Variants in DNHD1 observed in about 807,000 individuals in gnomAD.
DNHD1 encodes the protein dynein heavy chain domain 1.
Under a neutral mutation model 458.1 loss-of-function variants are expected in DNHD1, and 383 were observed. That is an observed-to-expected ratio of 0.84 (90% CI 0.77 to 0.91). The LOEUF (loss-of-function observed/expected upper bound fraction) is 0.91, where lower values mean the gene tolerates loss of function less well. Among genes scored for constraint, DNHD1 ranks in the 40% least tolerant of loss-of-function variants. The pLI is 0.00. For synonymous variants in DNHD1, 2,203 were observed against 2,376.9 expected (o/e 0.93, Z 2.13); for missense variants, 5,336 against 5,866.1 (o/e 0.91, Z 2.95).
rs1375152824 is a variant in DNHD1, at chr11:6,564,385, C to T, written c.10337C>T (p.Ala3446Val). The change falls in exon 32 of 43, where the codon GCT (alanine) becomes GTT (valine). Residue 3446 changes from alanine (A) to valine (V), a missense_variant. Around this residue, in one of 4 missense-constraint regions of DNHD1, gnomAD observed 3,932 missense variants for 4,365.6 expected, o/e 0.90. Coordinates refer to ENST00000254579, the MANE Select transcript of DNHD1 (RefSeq NM_144666.3). ...TVFGDTLLCS[A>V]AIIYLGPFPP... The stretch of plus-strand genomic sequence containing the variant: ...TTTGGAGATACCCTCCTATGTTCAG[C>T]TGCCATCATCTACCTGGGTCCCTTC... 5 of 1,551,154 alleles carry T rather than the reference C, an allele frequency of 3.2e-6. No individual in the cohort carries two copies. Among genetic ancestry groups the T allele is most frequent in the Non-Finnish European group, 4.4e-6 (5 of 1,146,538 alleles).
chr11:6,544,574 G>A lies in DNHD1; in HGVS notation c.3755G>A (p.Gly1252Asp). The A allele has an allele frequency of 6.4e-7, 1 of 1,551,104 alleles. No individual in the cohort carries two copies. ...LEWVAIMHGL[G>D]ALLEVWLTFQ... Reference sequence around the variant, plus strand: ...AGCATTCCTCTGGCTGCTTACACAGGTGCCCTGCTGGAGGTGTGGCTGACT... The same window carrying A: ...AGCATTCCTCTGGCTGCTTACACAGATGCCCTGCTGGAGGTGTGGCTGACT... Residue 1252 changes from glycine (G) to aspartate (D), a missense_variant and splice_region_variant, in exon 20 of 43, where the codon GGT (glycine) becomes GAT (aspartate). Around this residue, in one of 4 missense-constraint regions of DNHD1, gnomAD observed 3,932 missense variants for 4,365.6 expected, o/e 0.90. Coordinates refer to ENST00000254579, the MANE Select transcript of DNHD1 (RefSeq NM_144666.3).
intron 10 of DNHD1, among the ~76,000 whole-genome samples, chr11:6,522,566 T>A (rs1407132092): frequency 6.6e-6 from 1 of 152,156 alleles, no homozygotes; most frequent in Non-Finnish European, 1.5e-5. Flanking sequence ...ACTCCTGTGA[T>A]AGGAGTTTAC....
In DNHD1 at chr11:6,544,964, T is replaced by A. The variant is rs1397857186; in HGVS notation, c.4025T>A (p.Ile1342Asn). 1 of 1,551,694 alleles carries A rather than the reference T, an allele frequency of 6.4e-7. No homozygotes were observed. The highest frequency in any genetic ancestry group is 1.4e-5 in the African/African-American group (1 of 73,148). Residue 1342 changes from isoleucine to asparagine, a missense_variant, in exon 21 of 43, where the codon ATC becomes AAC. Ile to Asn is a moderately radical substitution (Grantham distance 149). This residue lies in a region of DNHD1 where 3,932 missense variants were observed against 4,365.6 expected (regional missense o/e 0.90). Coordinates refer to ENST00000254579, the MANE Select transcript of DNHD1 (RefSeq NM_144666.3). The part of the protein sequence containing the change: ...QAGSVELEGI[I>N]MSLESVLYGV... ...GGATCGGTGGAGCTGGAGGGCATCA[T>A]CATGAGTCTGGAGAGCGTGCTCTAT...
At chr11:6,529,239 A>G (rs921838383) in intron 12 of DNHD1, 118 bp downstream of exon 12, 6 of 1,166,986 alleles carry the variant, frequency 5.1e-6, no homozygotes, top group Non-Finnish European at 3.6e-6. Context: ...TATTGGACCT[A>G]TGAAGCCTTC....
rs1853857072 is a variant in DNHD1 at position 6,571,734 on chromosome 11, G to A, written c.14010G>A (p.Leu4670=). 2 of 1,612,846 alleles carry A rather than the reference G, an allele frequency of 1.2e-6. No homozygotes were observed. The highest frequency in any genetic ancestry group is 1.7e-6 in the Non-Finnish European group (2 of 1,179,334). ...AGTGGGACCCAATAGCTGGAGCCTT[G>A]CAGGACAGTCCTTCCAGCCAACCCA... ...HAEWDPIAGA[L]QDSPSSQPSP... is the part of the protein sequence containing the mutation. Residue 4670 remains leucine, a synonymous_variant, in exon 43 of 43, where the codon TTG becomes TTA. Coordinates refer to ENST00000254579, the MANE Select transcript of DNHD1 (RefSeq NM_144666.3). This position sits in a 1 kb window ranked among gnomAD's most constrained non-coding sequence, Gnocchi z 5.0.
rs1184764747 is a variant in DNHD1, at chr11:6,571,355, C to T, written c.13843C>T (p.Arg4615Ter). 5.0e-6 allele frequency: 8 copies of T among 1,612,166 alleles called. No homozygotes were observed. Among genetic ancestry groups the T allele is most frequent in the African/African-American group, 1.3e-5 (1 of 74,886 alleles). The part of the protein sequence containing the change: ...NVPSSNFPGS[R>*]GSVSSQLQYK... ...GCCCAGCTCGAATTTCCCTGGTAGC[C>T]GAGGCTCGGTCTCCAGTCAGCTCCA... The change falls in exon 42 of 43, where the codon CGA (arginine) becomes TGA (stop). Residue 4615 changes from arginine (R) to a stop codon, truncating the protein, a stop_gained. Coordinates refer to ENST00000254579, the MANE Select transcript of DNHD1 (RefSeq NM_144666.3). LOFTEE classifies it high-confidence loss of function. The surrounding 1 kb of genome is among the most constrained non-coding windows in gnomAD (Gnocchi z 5.0).
In DNHD1 at chr11:6,557,376, A is replaced by G; in HGVS notation, c.8081A>G (p.Gln2694Arg). 5.2e-6 allele frequency: 8 copies of G among 1,551,370 alleles called. No homozygotes were observed. Among genetic ancestry groups the G allele is most frequent in the Non-Finnish European group, 7.0e-6 (8 of 1,147,102 alleles). ...CCCCAGCACCTGGGCAAGGACCATC[A>G]GGAGAGTGAGGAGGAGGAGGAGGAG... ...PGPQHLGKDH[Q>R]ESEEEEEEER... Residue 2694 changes from glutamine (Q) to arginine (R), a missense_variant, in exon 25 of 43, where the codon CAG becomes CGG. Physicochemically the swap from Gln to Arg is conservative, Grantham distance 43. This residue lies in a region of DNHD1 where 3,932 missense variants were observed against 4,365.6 expected (regional missense o/e 0.90). Transcript: ENST00000254579.
Position 6,509,222 on chromosome 11 carries a change from T to C in DNHD1, c.1185T>C (p.His395=). 2 of 1,614,238 alleles carry C rather than the reference T, an allele frequency of 1.2e-6. No individual in the cohort carries two copies. Among genetic ancestry groups the C allele is most frequent in the Non-Finnish European group, 1.7e-6 (2 of 1,180,050 alleles). Reference sequence around the variant, plus strand: ...GACTCCAGAAATTCCTAGAGAATCATCTGCTCTTGGCTGTGCCCCACTTTG... The same window carrying C: ...GACTCCAGAAATTCCTAGAGAATCACCTGCTCTTGGCTGTGCCCCACTTTG... ...LHRLQKFLEN[H]LLLAVPHFGA... is the part of the protein sequence containing the mutation. The change falls in exon 6 of 43, where the codon CAT becomes CAC. Residue 395 remains histidine (H), a synonymous_variant. Coordinates refer to ENST00000254579, the MANE Select transcript of DNHD1 (RefSeq NM_144666.3).
intron 4 of DNHD1, 103 bp downstream of exon 4, chr11:6,503,029 T>C (rs964923916): frequency 1.2e-5 from 15 of 1,267,998 alleles, no homozygotes; most frequent in Admixed American, 2.7e-5. Flanking sequence ...CTCCCTGTCC[T>C]TTCTCCACAT....
chr11:6,566,622 T>A lies in DNHD1; in HGVS notation c.11242T>A (p.Leu3748Met). The change falls in exon 35 of 43, where the codon TTG (leucine) becomes ATG (methionine). Residue 3748 changes from leucine (L) to methionine (M), a missense_variant. Leu to Met is a conservative substitution (Grantham distance 15). Coordinates refer to ENST00000254579, the MANE Select transcript of DNHD1 (RefSeq NM_144666.3). Reference protein sequence around the residue: ...GCELLKGLNVLDLGLNMEILE... With the variant: ...GCELLKGLNVMDLGLNMEILE... ...TGAACTGCTAAAGGGGCTGAATGTG[T>A]TGGATCTGGGCCTGAACATGGAAAT... 6.2e-7 allele frequency: 1 copy of A among 1,613,842 alleles called. No homozygotes were observed. The highest frequency in any genetic ancestry group is 8.5e-7 in the Non-Finnish European group (1 of 1,179,826).
chr11:6,509,507 A>G (rs1208347931), intron 6 of DNHD1, among the ~76,000 whole-genome samples: 1 of 152,170 alleles, frequency 6.6e-6, no homozygotes, highest in Non-Finnish European at 1.5e-5. Flanking sequence ...TTCTTTGAAC[A>G]TATATTCTGA....
At chr11:6,527,417 G>A (rs966974752) in intron 10 of DNHD1, among the ~76,000 whole-genome samples, 3 of 152,200 alleles carry the variant, frequency 2.0e-5, no homozygotes, top group African/African-American at 7.2e-5. Flanking sequence ...TAAATGGGAT[G>A]TGTTGTATGT....
chr11:6,498,738 C>A lies in DNHD1; in HGVS notation c.523C>A (p.Gln175Lys). 6.2e-7 allele frequency: 1 copy of A among 1,614,168 alleles called. No homozygotes were observed. The highest frequency in any genetic ancestry group is 8.5e-7 in the Non-Finnish European group (1 of 1,180,012). The part of the protein sequence containing the change: ...CPFVQAQWSR[Q>K]QVKEELATWL... ...TTTTGTGCAGGCCCAGTGGAGCAGG[C>A]AGCAAGTAAAGGAGGAGCTGGCCAC... is the stretch of plus-strand genomic sequence containing the variant. The change falls in exon 3 of 43, where the codon CAG becomes AAG. Residue 175 changes from glutamine to lysine, a missense_variant. Transcript: ENST00000254579.
rs1037434995 is a variant in DNHD1, at chr11:6,513,809, C to T, written c.1392+2380C>T. Among the ~76,000 whole-genome samples the T allele has an allele frequency of 9.9e-5, 15 of 151,786 alleles. 2 individuals are homozygous for T. The highest frequency in any genetic ancestry group is 8.5e-4 in the Admixed American group (13 of 15,232). On this transcript the variant is annotated intron_variant, in intron 7 of 42. Coordinates refer to ENST00000254579, the MANE Select transcript of DNHD1 (RefSeq NM_144666.3). Reference sequence around the variant, plus strand: ...TTTCCAGAGTGGTTGTACCAGTTTACGTTTCCATCAGTGATGCTGATTTCC... The same window carrying T: ...TTTCCAGAGTGGTTGTACCAGTTTATGTTTCCATCAGTGATGCTGATTTCC...
intron 33 of DNHD1, 92 bp downstream of exon 33, chr11:6,566,083 TC>T (rs1432457757): frequency 4.7e-6 from 7 of 1,492,406 alleles, no homozygotes; most frequent in Non-Finnish European, 6.3e-6. Flanking sequence ...TAACTTCAGT[TC>T]CCATCCTTCA....
chr11:6,566,464 G>C (rs1853701621), intron 34 of DNHD1, 71 bp downstream of exon 34: 1 of 1,545,036 alleles, frequency 6.5e-7, no homozygotes, highest in African/African-American at 1.4e-5. Flanking sequence ...AGCCCTAAGA[G>C]GGCTTCACTC....
intron 10 of DNHD1, chr11:6,520,538 A>G: frequency 7.5e-7 from 1 of 1,339,842 alleles, no homozygotes; most frequent in Non-Finnish European, 9.6e-7. Context: ...GAGTGTGAGT[A>G]CATTGTCCTT....
In DNHD1 at chr11:6,568,253, T is replaced by A; in HGVS notation, c.12538+11T>A. On this transcript the variant is annotated intron_variant, in intron 37 of 42. Transcript: ENST00000254579. ...TAGGCAGAGCCAAGGGTGAGTTTAT[T>A]GCCTAGATTGGCTTCCAGGATCCTA... The A allele has an allele frequency of 6.5e-7, 1 of 1,542,512 alleles. No individual in the cohort carries two copies. The highest frequency in any genetic ancestry group is 8.8e-7 in the Non-Finnish European group (1 of 1,139,840).
chr11:6,539,151 G>T (rs137915363), intron 16 of DNHD1, 68 bp from the exon 17 acceptor site: 2 of 1,110,964 alleles, frequency 1.8e-6, no homozygotes, highest in East Asian at 5.1e-5. Context: ...TGGGCTCTGG[G>T]ATATGGGATA....
Sources: gnomAD v4.1 joint callset for allele counts (sites outside exome capture counted in the v4.1 genomes callset) on GRCh38, gnomAD v4.1.1 for gene constraint, gnomAD v4.1.1 regional missense constraint, Gnocchi (gnomAD v3.1) non-coding constraint, MANE v1.5 for transcripts, NCBI Gene and HGNC (gene_info 2026-07-23, HGNC 2026-07-21) for gene names.